RTF1: variants seen among roughly 807,000 people sequenced by gnomAD.
RTF1 encodes RTF1 homolog, Paf1/RNA polymerase II complex component.
RTF1 carries 10 observed loss-of-function variants against 95.7 expected under a neutral mutation model. That is an observed-to-expected ratio of 0.10 (90% CI 0.06 to 0.18). The LOEUF (loss-of-function observed/expected upper bound fraction) is 0.18. Ranked by LOEUF, RTF1 falls within the 10% of genes least tolerant of loss-of-function variation. The pLI is 1.00. For synonymous variants in RTF1, 305 were observed against 311.8 expected, an observed-to-expected ratio of 0.98 and a Z score of 0.23; for missense variants, 458 against 875.6, an observed-to-expected ratio of 0.52 and a Z score of 6.02.
intron 1 of RTF1, among the ~76,000 whole-genome samples, chr15:41,418,878 G>A (rs1458752692): frequency 3.3e-5 from 5 of 151,234 alleles, no homozygotes; most frequent in African/African-American, 9.7e-5. Flanking sequence ...TTTTTGAGAC[G>A]GAGTCTCGCA....
intron 4 of RTF1, among the ~76,000 whole-genome samples, chr15:41,463,983 C>T (rs2140963750): frequency 6.6e-6 from 1 of 151,962 alleles, no homozygotes; most frequent in South Asian, 2.1e-4. Flanking sequence ...TCCCGAGTAG[C>T]TGGGATTACA....
intron 2 of RTF1, among the ~76,000 whole-genome samples, chr15:41,444,451 G>A (rs1168550874): frequency 1.3e-5 from 2 of 151,630 alleles, no homozygotes; most frequent in Non-Finnish European, 2.9e-5. Context: ...CTGCCACCAC[G>A]CCCGGCTAAC....
At chr15:41,457,955 C>T (rs2050827671) in intron 4 of RTF1, 79 bp downstream of exon 4, 1 of 1,094,366 alleles carries the variant, frequency 9.1e-7, no homozygotes, top group Non-Finnish European at 1.3e-6. Flanking sequence ...CCCTGTCCTT[C>T]ACACCTGACC....
At chr15:41,464,421 G>T (rs890274958) in intron 4 of RTF1, among the ~76,000 whole-genome samples, 3 of 151,366 alleles carry the variant, frequency 2.0e-5, no homozygotes, top group Non-Finnish European at 4.4e-5. Flanking sequence ...GCTAATTTTT[G>T]TATTTTTAGT....
chr15:41,439,132 C>A (rs971347893), intron 2 of RTF1, among the ~76,000 whole-genome samples: 2 of 150,936 alleles, frequency 1.3e-5, no homozygotes, highest in African/African-American at 4.9e-5. Context: ...TCCAGGTTCA[C>A]GCCATTCTCC....
chr15:41,483,352 GTTCC>G lies in RTF1; in HGVS notation c.*2670_*2673del, dbSNP rs2050988442. 1.3e-5 allele frequency: 2 copies of G among 152,536 alleles called. No individual in the cohort carries two copies. The highest frequency in any genetic ancestry group is 1.3e-4 in the Admixed American group (2 of 15,266). 9.4% of individuals were successfully genotyped at this position (152,536 alleles called of 1,614,324 possible). A position where few individuals can be genotyped will look rare whatever the true frequency, so the allele number is the denominator to read the frequency against. ...AAGGTTGTTTTTATGCATTTTTTCAGTTCCTTCCAAGAAGCAAAAAGGCCAGTGT... is the reference window on the plus strand; with the variant it reads ...AAGGTTGTTTTTATGCATTTTTTCAGTTCCAAGAAGCAAAAAGGCCAGTGT... On this transcript the variant is annotated 3_prime_UTR_variant, in exon 18 of 18. Coordinates refer to ENST00000389629, the MANE Select transcript of RTF1 (RefSeq NM_015138.5).
At chr15:41,475,426 A>G (rs1027301436) in intron 9 of RTF1, 99 bp from the exon 10 acceptor site, 5 of 864,278 alleles carry the variant, frequency 5.8e-6, no homozygotes, top group South Asian at 2.9e-5. Context: ...AACCACTGCA[A>G]TAGGTATATA....
intron 1 of RTF1, among the ~76,000 whole-genome samples, chr15:41,418,218 C>G (rs1008056574): frequency 6.6e-6 from 1 of 152,152 alleles, no homozygotes; most frequent in Admixed American, 6.6e-5. Context: ...GGTCTCCTTT[C>G]TGTTTAATGA....
chr15:41,450,777 C>T (rs2050786029), intron 2 of RTF1, among the ~76,000 whole-genome samples: 1 of 151,868 alleles, frequency 6.6e-6, no homozygotes, highest in African/African-American at 2.4e-5. Flanking sequence ...TAGCAAGACC[C>T]TGTCTCTACA....
At position 41,433,787 on chromosome 15, in the gene RTF1, A is replaced by G. The variant is rs2050687717; in HGVS notation, c.199-4534A>G. Among the ~76,000 whole-genome samples, 3 of 151,944 alleles carry G rather than the reference A, an allele frequency of 2.0e-5. No individual in the cohort carries two copies. In the East Asian group the frequency reaches 5.8e-4, roughly 29 times the overall value. ...CATAGAAGACTATACATGAACATAC[A>G]ATTACCCCCAAATGGTAACAACTCA... On this transcript the variant is annotated intron_variant, in intron 1 of 17. Transcript: ENST00000389629.
chr15:41,480,806 A>T lies in RTF1; in HGVS notation c.*119A>T, dbSNP rs2050968491. On this transcript the variant is annotated 3_prime_UTR_variant, in exon 18 of 18. Coordinates refer to ENST00000389629, the MANE Select transcript of RTF1 (RefSeq NM_015138.5). ...AGCTGTTGAACTGGGAAGAGACTCT[A>T]AACTGCCAGTCATCTGTAATATAAA... 1 of 719,414 alleles carries T rather than the reference A, an allele frequency of 1.4e-6. No individual in the cohort carries two copies. Among genetic ancestry groups the T allele is most frequent in the African/African-American group, 1.7e-5 (1 of 57,212 alleles). The allele number at this position is 719,414 out of a possible 1,614,324, so 44.6% of individuals were successfully genotyped here. A position where few individuals can be genotyped will look rare whatever the true frequency, so the allele number is the denominator to read the frequency against.
chr15:41,429,320 A>G (rs1038741153), intron 1 of RTF1, among the ~76,000 whole-genome samples: 1 of 151,718 alleles, frequency 6.6e-6, no homozygotes, highest in Non-Finnish European at 1.5e-5. Flanking sequence ...AGATCCTTCC[A>G]CTTCTCTCTG....
chr15:41,442,228 C>T (rs936177755), intron 2 of RTF1, among the ~76,000 whole-genome samples: 3 of 149,324 alleles, frequency 2.0e-5, no homozygotes, highest in African/African-American at 5.0e-5. Context: ...AGTGCAGTGG[C>T]GTGATCTTGG....
chr15:41,478,089 C>T (rs1406779153), intron 14 of RTF1, among the ~76,000 whole-genome samples: 1 of 147,386 alleles, frequency 6.8e-6, no homozygotes, highest in Non-Finnish European at 1.5e-5. Flanking sequence ...GGCAAGAGAG[C>T]GAGAATCCAT....
At chr15:41,464,092 C>T (rs1468414934) in intron 4 of RTF1, among the ~76,000 whole-genome samples, 2 of 149,986 alleles carry the variant, frequency 1.3e-5, no homozygotes, top group South Asian at 2.1e-4. Flanking sequence ...CCTCGTGATC[C>T]GTCCACCTTG....
At chr15:41,438,259 A>T in intron 1 of RTF1, 62 bp from the exon 2 acceptor site, 4 of 1,147,996 alleles carry the variant, frequency 3.5e-6, no homozygotes, top group Non-Finnish European at 3.7e-6. Context: ...TGGGCATTTT[A>T]TTATTCTTGG....
rs561881451 is a variant in RTF1, at chr15:41,481,936, C to G, written c.*1249C>G. Reference sequence around the variant, plus strand: ...CTCTACTAAAACTACAAAACTTAGCCGGGCATGGTGGTGCGTGCCTGTAAT... The same window carrying G: ...CTCTACTAAAACTACAAAACTTAGCGGGGCATGGTGGTGCGTGCCTGTAAT... On this transcript the variant is annotated 3_prime_UTR_variant, in exon 18 of 18. Coordinates refer to ENST00000389629, the MANE Select transcript of RTF1 (RefSeq NM_015138.5). 6.6e-6 allele frequency: 1 copy of G among 152,138 alleles called. No individual in the cohort carries two copies. The highest frequency in any genetic ancestry group is 1.5e-5 in the Non-Finnish European group (1 of 68,044). 9.4% of individuals were successfully genotyped at this position (152,138 alleles called of 1,614,324 possible). A position where few individuals can be genotyped will look rare whatever the true frequency, so the allele number is the denominator to read the frequency against.
At chr15:41,434,251 G>A (rs1194614572) in intron 1 of RTF1, among the ~76,000 whole-genome samples, 1 of 151,842 alleles carries the variant, frequency 6.6e-6, no homozygotes, top group African/African-American at 2.4e-5. Flanking sequence ...CCAAAGTGCT[G>A]GGATTATAGG....
intron 9 of RTF1, among the ~76,000 whole-genome samples, 161 bp downstream of exon 9, chr15:41,474,863 A>G (rs920363140): frequency 6.6e-5 from 10 of 152,120 alleles, no homozygotes; most frequent in African/African-American, 2.2e-4. Context: ...ATCTTTGTCT[A>G]TAGGGAAGGT....
Sources: allele counts gnomAD v4.1 joint callset (sites outside exome capture counted in the v4.1 genomes callset), GRCh38; gene constraint gnomAD v4.1.1; transcripts MANE v1.5; gene names NCBI Gene and HGNC (gene_info 2026-07-23, HGNC 2026-07-21).